PGPEP1L: variants seen among roughly 807,000 people sequenced by gnomAD.
PGPEP1L encodes pyroglutamyl-peptidase I like.
In PGPEP1L, 7 loss-of-function variants were observed where a neutral mutation model predicts 6.0. The ratio of observed to expected loss-of-function variants is 1.17; its 90% CI spans 0.66 to 2.19. PGPEP1L has a LOEUF of 2.19. Among genes scored for constraint, PGPEP1L ranks in the 30% most tolerant of loss-of-function variants. PGPEP1L has a pLI of 0.00. For missense variants in PGPEP1L, 209 were observed against 192.5 expected (o/e 1.09, Z -0.51); for synonymous variants, 103 against 83.9 (o/e 1.23, Z -1.24).
Position 98,969,654 on chromosome 15 carries a change from G to A in PGPEP1L, c.-18-3C>T. The A allele has an allele frequency of 1.2e-6, 2 of 1,609,764 alleles. No homozygotes were observed. Among genetic ancestry groups the A allele is most frequent in the African/African-American group, 1.3e-5 (1 of 75,032 alleles). On this transcript the variant is annotated splice_region_variant and splice_polypyrimidine_tract_variant and intron_variant, in intron 3 of 4. Coordinates refer to ENST00000535714, the MANE Select transcript of PGPEP1L (RefSeq NM_001167902.2). ...TCCATGCCCACATGCACGACGAGCT[G>A]TGTGAACGGGTAACAGCAGAGAGAA...
At chr15:98,980,969 G>A (rs945727908) in intron 2 of PGPEP1L, among the ~76,000 whole-genome samples, 1 of 151,676 alleles carries the variant, frequency 6.6e-6, no homozygotes, top group East Asian at 1.9e-4. Flanking sequence ...GTATGGTAGA[G>A]AGGCCTGACA....
At chr15:98,981,554 T>A (rs1343569258) in intron 2 of PGPEP1L, among the ~76,000 whole-genome samples, 1 of 147,532 alleles carries the variant, frequency 6.8e-6, no homozygotes, top group African/African-American at 2.5e-5. Context: ...GTCTGAGAAA[T>A]GGCCACAGCC....
At chr15:98,986,609 G>C (rs1373767398) in intron 2 of PGPEP1L, among the ~76,000 whole-genome samples, 1 of 151,742 alleles carries the variant, frequency 6.6e-6, no homozygotes, top group African/African-American at 2.4e-5. Context: ...TGAACCTGGG[G>C]TTGTAAGAAC....
At chr15:98,998,954 G>C (rs367626416) in intron 2 of PGPEP1L, among the ~76,000 whole-genome samples, 1 of 152,076 alleles carries the variant, frequency 6.6e-6, no homozygotes, top group Non-Finnish European at 1.5e-5. Flanking sequence ...CAGCCTGGGC[G>C]AAAGAGCAAA....
rs536617407 is a variant in PGPEP1L at position 98,996,157 on chromosome 15, T to C, written c.-142+9272A>G. On this transcript the variant is annotated intron_variant, in intron 2 of 4. Coordinates refer to ENST00000535714, the MANE Select transcript of PGPEP1L (RefSeq NM_001167902.2). ...TGATCATTCTTGTAGCTGAAGTCCTTGAGCTTCTAAATCTGCTTCTGCTGA... is the reference window on the plus strand; with the variant it reads ...TGATCATTCTTGTAGCTGAAGTCCTCGAGCTTCTAAATCTGCTTCTGCTGA... Among the ~76,000 whole-genome samples the C allele has an allele frequency of 2.5e-4, 38 of 152,376 alleles. 1 individual carries two copies. The South Asian group carries it at 7.9e-3, about 32-fold the overall frequency.
intron 2 of PGPEP1L, among the ~76,000 whole-genome samples, chr15:99,002,860 C>A (rs1555473208): frequency 6.6e-6 from 1 of 152,098 alleles, no homozygotes; most frequent in Non-Finnish European, 1.5e-5. Flanking sequence ...TGACATATTT[C>A]TCAAGTCATT....
chr15:98,975,363 A>T (rs995579089), intron 2 of PGPEP1L, among the ~76,000 whole-genome samples: 1 of 152,236 alleles, frequency 6.6e-6, no homozygotes, highest in African/African-American at 2.4e-5. Context: ...TGGTTATTGG[A>T]TACAAAAATG....
chr15:99,001,819 G>A (rs1285613317), intron 2 of PGPEP1L, among the ~76,000 whole-genome samples: 1 of 152,184 alleles, frequency 6.6e-6, no homozygotes, highest in Non-Finnish European at 1.5e-5. Flanking sequence ...CTGGGTTCAA[G>A]CAATTCTCCT....
chr15:99,004,767 G>A (rs571663664), intron 2 of PGPEP1L, among the ~76,000 whole-genome samples: 2 of 152,160 alleles, frequency 1.3e-5, no homozygotes, highest in Admixed American at 6.5e-5. Flanking sequence ...GGCCCCCAGG[G>A]ACCAGCTGGG....
intron 2 of PGPEP1L, among the ~76,000 whole-genome samples, chr15:98,999,925 G>T (rs1307370393): frequency 6.6e-6 from 1 of 152,246 alleles, no homozygotes; most frequent in African/African-American, 2.4e-5. Flanking sequence ...AGCCCCTCCT[G>T]TGCCTGGGCT....
chr15:98,998,897 C>A (rs540519875), intron 2 of PGPEP1L, among the ~76,000 whole-genome samples: 2 of 152,170 alleles, frequency 1.3e-5, no homozygotes, highest in Non-Finnish European at 2.9e-5. Flanking sequence ...ATCGCTTGAA[C>A]CCGGAAGGCA....
intron 2 of PGPEP1L, among the ~76,000 whole-genome samples, chr15:98,997,821 G>C (rs1427674337): frequency 6.6e-6 from 1 of 152,072 alleles, no homozygotes; most frequent in Non-Finnish European, 1.5e-5. Context: ...ACAGACAATA[G>C]AAACCTCGCT....
At chr15:98,984,913 C>T (rs1466259819) in intron 2 of PGPEP1L, among the ~76,000 whole-genome samples, 10 of 152,054 alleles carry the variant, frequency 6.6e-5, no homozygotes, top group East Asian at 1.9e-4. Flanking sequence ...CAGAGGGTAC[C>T]GGAACCCTGG....
intron 2 of PGPEP1L, among the ~76,000 whole-genome samples, chr15:98,975,354 G>T (rs1037020835): frequency 6.6e-6 from 1 of 152,116 alleles, no homozygotes; most frequent in Non-Finnish European, 1.5e-5. Context: ...AAAAGAGGTT[G>T]GTTATTGGAT....
intron 2 of PGPEP1L, among the ~76,000 whole-genome samples, chr15:99,000,514 A>G (rs964221325): frequency 6.6e-6 from 1 of 152,216 alleles, no homozygotes; most frequent in Admixed American, 6.5e-5. Flanking sequence ...AAGGGATTGT[A>G]AATACACCAA....
chr15:98,988,659 T>A (rs1159148421), intron 2 of PGPEP1L, among the ~76,000 whole-genome samples: 5 of 35,478 alleles, frequency 1.4e-4, no homozygotes, highest in African/African-American at 6.4e-4. Flanking sequence ...GACTACCTCC[T>A]CCAGTGGGTC....
At chr15:99,000,961 G>A (rs183533822) in intron 2 of PGPEP1L, among the ~76,000 whole-genome samples, 1 of 152,084 alleles carries the variant, frequency 6.6e-6, no homozygotes, top group East Asian at 1.9e-4. Flanking sequence ...CACCACAAAG[G>A]TCTCCAGTTT....
chr15:98,968,236 G>A lies in PGPEP1L; in HGVS notation c.*242C>T. ...TTTTTGGAAGAAAACAGATGACTCG[G>A]ATTTCATTTTATTGTCATGAAAACC... is the stretch of plus-strand genomic sequence containing the variant. On this transcript the variant is annotated 3_prime_UTR_variant, in exon 5 of 5. Transcript: ENST00000535714. 2.1e-6 allele frequency: 1 copy of A among 481,652 alleles called. No homozygotes were observed. The allele number at this position is 481,652 out of a possible 1,614,324, so 29.8% of individuals were successfully genotyped here.
rs1166495281 is a variant in PGPEP1L, at chr15:98,968,579, T to TCA, written c.326_327dup (p.Arg110Ter). On this transcript the variant is annotated frameshift_variant, in exon 5 of 5. Coordinates refer to ENST00000535714, the MANE Select transcript of PGPEP1L (RefSeq NM_001167902.2). LOFTEE classifies it low-confidence loss of function (END_TRUNC). ...TCCAGCATTTCCTGGATGATGACTC[T>TCA]CAAGGCTCTTCCCAGCAGGCTGGCC... The TCA allele has an allele frequency of 6.2e-7, 1 of 1,611,836 alleles. No individual in the cohort carries two copies. The highest frequency in any genetic ancestry group is 8.5e-7 in the Non-Finnish European group (1 of 1,179,106).
Sources: allele counts gnomAD v4.1 joint callset (sites outside exome capture counted in the v4.1 genomes callset), GRCh38; gene constraint gnomAD v4.1.1; transcripts MANE v1.5; gene names NCBI Gene and HGNC (gene_info 2026-07-23, HGNC 2026-07-21).